Variants in TPP2 observed in about 807,000 individuals in gnomAD.
TPP2 encodes tripeptidyl-peptidase 2.
A neutral mutation model predicts 155.9 loss-of-function variants in TPP2; 34 were observed. That is an observed-to-expected ratio of 0.22 (90% confidence interval 0.17 to 0.29). The LOEUF (loss-of-function observed/expected upper bound fraction) is 0.29. Ranked by LOEUF, TPP2 falls within the 10% of genes least tolerant of loss-of-function variation. TPP2 has a pLI of 1.00. For missense variants in TPP2, 1,028 were observed against 1,522.3 expected (o/e 0.68, Z 5.40); for synonymous variants, 510 against 529.4 (o/e 0.96, Z 0.50).
intron 24 of TPP2, among the ~76,000 whole-genome samples, chr13:102,654,249 C>T (rs1396956323): frequency 2.0e-5 from 3 of 152,054 alleles, no homozygotes; most frequent in Admixed American, 2.0e-4. Flanking sequence ...ATAATTTTTA[C>T]TAATAAAAAA....
rs984752772 is a variant in TPP2, at chr13:102,599,908, G to A, written c.165+2705G>A. ...TTGGACTAGACCAGAATATATGTAT[G>A]CAATAGCCAGGAGGTCTCCCTTCCA... On this transcript the variant is annotated intron_variant, in intron 1 of 29. Transcript: ENST00000376052. Among the ~76,000 whole-genome samples the A allele has an allele frequency of 2.2e-4, 33 of 151,354 alleles. 1 individual carries two copies. Among genetic ancestry groups the A allele is most frequent in the Admixed American group, 1.6e-3 (24 of 15,194 alleles).
chr13:102,630,814 T>G (rs535328644), intron 10 of TPP2, among the ~76,000 whole-genome samples: 6 of 152,368 alleles, frequency 3.9e-5, no homozygotes, highest in Non-Finnish European at 7.3e-5. Context: ...ATGCACCTTC[T>G]GAAAAATAAA....
rs374511680 is a variant in TPP2 at position 102,647,357 on chromosome 13, T to C, written c.2628+13T>C. 13 of 1,603,128 alleles carry C rather than the reference T, an allele frequency of 8.1e-6. No homozygotes were observed. Among genetic ancestry groups the C allele is most frequent in the Non-Finnish European group, 1.1e-5 (13 of 1,175,796 alleles). On this transcript the variant is annotated intron_variant, in intron 21 of 29. Transcript: ENST00000376052. ...CTATCCACATCAGGTATAAAATTGA[T>C]GGTGATTTTTAGAATTAACGGAAGC...
intron 11 of TPP2, among the ~76,000 whole-genome samples, chr13:102,634,503 G>A (rs925574265): frequency 6.6e-6 from 1 of 152,172 alleles, no homozygotes; most frequent in African/African-American, 2.4e-5. Context: ...GGGATTTCTA[G>A]AGTGGTGCAC....
At chr13:102,673,005 C>T (rs1458790939) in intron 27 of TPP2, among the ~76,000 whole-genome samples, 1 of 152,158 alleles carries the variant, frequency 6.6e-6, no homozygotes, top group Non-Finnish European at 1.5e-5. Context: ...TGAACTCTGC[C>T]AGTGTGAAGG....
chr13:102,629,745 C>G, intron 9 of TPP2, 136 bp downstream of exon 9: 1 of 1,222,926 alleles, frequency 8.2e-7, no homozygotes, highest in Non-Finnish European at 1.1e-6. Flanking sequence ...AACTTATAGT[C>G]TGGTAGGGGA....
intron 7 of TPP2, 25 bp from the exon 8 acceptor site, chr13:102,627,823 A>G (rs1346577124): frequency 1.9e-6 from 3 of 1,570,612 alleles, no homozygotes; most frequent in African/African-American, 2.7e-5. Flanking sequence ...TGCTGCCTAA[A>G]CTAGAGTCTT....
intron 25 of TPP2, among the ~76,000 whole-genome samples, chr13:102,662,175 A>G (rs1158181771): frequency 8.5e-5 from 13 of 152,220 alleles, no homozygotes; most frequent in Non-Finnish European, 1.5e-5. Context: ...CATGTATTAT[A>G]TGATTCTATT....
chr13:102,633,367 A>T (rs1416070665), intron 10 of TPP2, among the ~76,000 whole-genome samples: 3 of 152,102 alleles, frequency 2.0e-5, no homozygotes, highest in African/African-American at 7.3e-5. Context: ...AATTTCAAAG[A>T]CTTGGTACAA....
At chr13:102,660,324 A>C (rs1272033340) in intron 25 of TPP2, among the ~76,000 whole-genome samples, 3 of 152,210 alleles carry the variant, frequency 2.0e-5, no homozygotes, top group Admixed American at 6.5e-5. Flanking sequence ...AAAACAAAAA[A>C]TAAAATCGAA....
intron 2 of TPP2, among the ~76,000 whole-genome samples, chr13:102,608,518 A>G (rs1199620755): frequency 6.6e-6 from 1 of 151,922 alleles, no homozygotes; most frequent in Non-Finnish European, 1.5e-5. Context: ...TCATTGCCTT[A>G]ATCTTTTTCC....
intron 24 of TPP2, among the ~76,000 whole-genome samples, chr13:102,651,685 C>T (rs530172706): frequency 6.6e-6 from 1 of 150,964 alleles, no homozygotes; most frequent in East Asian, 1.9e-4. Context: ...TAACAAGTAG[C>T]AATATTTGAA....
Position 102,642,454 on chromosome 13 carries a change from A to G in TPP2, c.2021-768A>G, listed in dbSNP as rs1188658048. ...TTGTTTTTTTAAATAAAAATTATCA[A>G]ATGATCTAGAATGCAAGTAGTTAAG... On this transcript the variant is annotated intron_variant, in intron 16 of 29. Coordinates refer to ENST00000376052, the MANE Select transcript of TPP2 (RefSeq NM_001330588.2). Among the ~76,000 whole-genome samples, 3 of 152,112 alleles carry G rather than the reference A, an allele frequency of 2.0e-5. No homozygotes were observed. In the East Asian group the frequency reaches 5.8e-4, roughly 29 times the overall value.
rs1595141496 is a variant in TPP2 at position 102,614,098 on chromosome 13, T to C, written c.295-3T>C. 3 of 1,612,346 alleles carry C rather than the reference T, an allele frequency of 1.9e-6. No homozygotes were observed. The highest frequency in any genetic ancestry group is 2.5e-6 in the Non-Finnish European group (3 of 1,179,320). On this transcript the variant is annotated splice_region_variant and splice_polypyrimidine_tract_variant and intron_variant, in intron 2 of 29. Coordinates refer to ENST00000376052, the MANE Select transcript of TPP2 (RefSeq NM_001330588.2). ...GAACAGGTTACTCTTTTTTTTTCTG[T>C]AGATTCCTGCAAGCTGGACAAATCC... is the stretch of plus-strand genomic sequence containing the variant.
Position 102,662,559 on chromosome 13 carries a change from C to T in TPP2, c.3144-1089C>T, listed in dbSNP as rs144135912. Reference sequence around the variant, plus strand: ...GGTGCAGTAGTTTTAAAATGTAAAACGAAAGTGTTGATTTTGCCCTTGGAT... The same window carrying T: ...GGTGCAGTAGTTTTAAAATGTAAAATGAAAGTGTTGATTTTGCCCTTGGAT... On this transcript the variant is annotated intron_variant, in intron 25 of 29. Coordinates refer to ENST00000376052, the MANE Select transcript of TPP2 (RefSeq NM_001330588.2). Among the ~76,000 whole-genome samples the T allele has an allele frequency of 3.6e-3, 543 of 152,092 alleles. 1 individual carries two copies. The highest frequency in any genetic ancestry group is 0.012 in the African/African-American group (514 of 41,498).
chr13:102,667,756 A>C, intron 27 of TPP2: 1 of 985,470 alleles, frequency 1.0e-6, no homozygotes, highest in South Asian at 4.7e-5. Flanking sequence ...TGTCACCCCC[A>C]GGTTGCCTTC....
intron 25 of TPP2, 66 bp from the exon 26 acceptor site, chr13:102,663,582 A>G: frequency 9.8e-6 from 11 of 1,125,114 alleles, no homozygotes. Context: ...ATGTTAAATA[A>G]TAGAGAAGAC....
intron 25 of TPP2, among the ~76,000 whole-genome samples, chr13:102,662,537 G>T (rs2442705): frequency 0.49 from 74,878 of 151,994 alleles, 18,832 homozygotes; most frequent in African/African-American, 0.6. Flanking sequence ...TAATTAAGGT[G>T]CAGTAGTTTT....
At position 102,663,751 on chromosome 13, in the gene TPP2, CAT is replaced by C. The variant is rs753974131; in HGVS notation, c.3240+8_3240+9del. 3.2e-6 allele frequency: 5 copies of C among 1,576,846 alleles called. No individual in the cohort carries two copies. Among genetic ancestry groups the C allele is most frequent in the East Asian group, 4.6e-5 (2 of 43,840 alleles). On this transcript the variant is annotated splice_region_variant and intron_variant, in intron 26 of 29. Coordinates refer to ENST00000376052, the MANE Select transcript of TPP2 (RefSeq NM_001330588.2). ...TCAATTGGATGCTGAAAAGGTTAGA[CAT>C]GTTCATTCTGATATATCTTATTTTG...
Sources: gnomAD v4.1 joint callset for allele counts (sites outside exome capture counted in the v4.1 genomes callset) on GRCh38, gnomAD v4.1.1 for gene constraint, MANE v1.5 for transcripts, NCBI Gene and HGNC (gene_info 2026-07-23, HGNC 2026-07-21) for gene names.